The following CWC27 variants were observed in gnomAD, a reference collection of about 807,000 sequenced individuals.
CWC27 encodes the protein spliceosome-associated protein CWC27 homolog.
Under a neutral mutation model 63.6 loss-of-function variants are expected in CWC27, and 47 were observed. That is an observed-to-expected ratio of 0.74 (90% CI 0.58 to 0.94). The LOEUF (loss-of-function observed/expected upper bound fraction) is 0.94. Ranked by LOEUF, CWC27 falls within the 40% of genes least tolerant of loss-of-function variation. CWC27 has a pLI of 0.00. For synonymous variants in CWC27, 175 were observed against 179.8 expected, an observed-to-expected ratio of 0.97 and a Z score of 0.22; for missense variants, 495 against 554.3, an observed-to-expected ratio of 0.89 and a Z score of 1.07.
intron 10 of CWC27, among the ~76,000 whole-genome samples, chr5:64,845,750 G>C (rs1392795709): frequency 6.6e-6 from 1 of 152,142 alleles, no homozygotes; most frequent in Non-Finnish European, 1.5e-5. Context: ...ACACCATCAA[G>C]AGTTCAAACC....
chr5:64,813,585 A>G (rs1744946691), intron 10 of CWC27, among the ~76,000 whole-genome samples: 1 of 152,194 alleles, frequency 6.6e-6, no homozygotes, highest in African/African-American at 2.4e-5. Flanking sequence ...GAGAGTTAGA[A>G]TCCATTGATC....
chr5:64,785,588 A>G lies in CWC27; in HGVS notation c.495+9A>G, dbSNP rs1351222438. The G allele has an allele frequency of 1.3e-6, 2 of 1,543,996 alleles. No individual in the cohort carries two copies. The highest frequency in any genetic ancestry group is 1.2e-5 in the South Asian group (1 of 86,734). On this transcript the variant is annotated intron_variant, in intron 5 of 13. Coordinates refer to ENST00000381070, the MANE Select transcript of CWC27 (RefSeq NM_005869.4). ...AAATAAAAAGCTGTGAGGTAGGAGC[A>G]TGATTATTACGAGATACAGCACTTA...
At chr5:64,935,800 C>G (rs111653424) in intron 11 of CWC27, among the ~76,000 whole-genome samples, 13,570 of 152,138 alleles carry the variant, frequency 0.089, 1,937 homozygotes, top group African/African-American at 0.3. Context: ...AGTCCTCCTT[C>G]AAGAGGTCCT....
intron 11 of CWC27, among the ~76,000 whole-genome samples, chr5:64,893,909 A>T (rs530861253): frequency 1.4e-5 from 2 of 147,932 alleles, no homozygotes; most frequent in African/African-American, 5.0e-5. Context: ...TCCTGAAGGG[A>T]TCATCTGGGC....
chr5:64,877,537 A>G (rs892965196), intron 10 of CWC27, among the ~76,000 whole-genome samples: 3 of 152,016 alleles, frequency 2.0e-5, no homozygotes, highest in Non-Finnish European at 4.4e-5. Flanking sequence ...TGTATACTTC[A>G]AAACAGCTAG....
intron 10 of CWC27, among the ~76,000 whole-genome samples, chr5:64,837,295 A>G (rs977119544): frequency 2.0e-5 from 3 of 152,108 alleles, no homozygotes; most frequent in Non-Finnish European, 4.4e-5. Flanking sequence ...GCATTCTTGT[A>G]ATCTTTATCA....
intron 11 of CWC27, among the ~76,000 whole-genome samples, chr5:64,922,272 A>T (rs555894018): frequency 2.0e-5 from 3 of 152,328 alleles, no homozygotes; most frequent in Admixed American, 2.0e-4. Flanking sequence ...AATGTCAATG[A>T]ATTATAGGTT....
In CWC27 at chr5:64,977,191, G is replaced by A. The variant is rs1309581; in HGVS notation, c.1209G>A (p.Thr403=). 0.43 allele frequency: 690,105 copies of A among 1,608,222 alleles called. 150,897 individuals are homozygous for A. The highest frequency in any genetic ancestry group is 0.45 in the Non-Finnish European group (533,061 of 1,176,224). The change falls in exon 13 of 14, where the codon ACG becomes ACA. Residue 403 remains threonine (T), a synonymous_variant. Transcript: ENST00000381070. ...AACTCACTCAAGCAATTGCTGAAAC[G>A]CCTGAAAATGACATTCCTGAAACAG... ...KSKLTQAIAE[T]PENDIPETEV... is the part of the protein sequence containing the mutation.
chr5:64,858,341 A>G (rs541728881), intron 10 of CWC27, among the ~76,000 whole-genome samples: 2 of 149,006 alleles, frequency 1.3e-5, no homozygotes, highest in South Asian at 4.2e-4. Context: ...GGACGCCTGT[A>G]GTCCCAGCTA....
At chr5:65,016,921 A>G (rs1750057744) in intron 13 of CWC27, among the ~76,000 whole-genome samples, 1 of 152,220 alleles carries the variant, frequency 6.6e-6, no homozygotes, top group South Asian at 2.1e-4. Flanking sequence ...TACAACAGGC[A>G]TATAAGAAGT....
chr5:64,886,428 C>T (rs1212933792), intron 11 of CWC27, among the ~76,000 whole-genome samples: 16 of 152,024 alleles, frequency 1.1e-4, no homozygotes, highest in Admixed American at 1.0e-3. Context: ...TACATGTACA[C>T]ATTTGCTTGT....
intron 10 of CWC27, among the ~76,000 whole-genome samples, chr5:64,827,326 G>A (rs1415678108): frequency 1.3e-5 from 2 of 152,080 alleles, no homozygotes; most frequent in African/African-American, 2.4e-5. Context: ...AGAACTCATC[G>A]TACTGGAATT....
intron 10 of CWC27, among the ~76,000 whole-genome samples, chr5:64,857,531 A>T (rs1050693629): frequency 1.4e-4 from 22 of 152,230 alleles, no homozygotes; most frequent in Admixed American, 1.4e-3. Context: ...GTTCAAGATT[A>T]TACTCAATAT....
intron 10 of CWC27, among the ~76,000 whole-genome samples, chr5:64,856,049 C>A (rs1288863211): frequency 6.6e-6 from 1 of 152,058 alleles, no homozygotes; most frequent in Non-Finnish European, 1.5e-5. Flanking sequence ...CAAAAGCTTA[C>A]AGATCATTCT....
At chr5:64,829,207 T>C (rs1321212804) in intron 10 of CWC27, among the ~76,000 whole-genome samples, 1 of 152,186 alleles carries the variant, frequency 6.6e-6, no homozygotes, top group African/African-American at 2.4e-5. Flanking sequence ...TCATGTGTTT[T>C]ATTCTTTTTC....
chr5:65,006,960 CAGAAAGAAAGAA>C (rs200204473), intron 13 of CWC27, among the ~76,000 whole-genome samples: 17,553 of 121,084 alleles, frequency 0.14, 1,273 homozygotes, highest in African/African-American at 0.17. Context: ...TTTAAAAAGA[CAGAAAGAAAGAA>C]AGAAAGAAAG....
chr5:64,981,040 C>G (rs1442651124), intron 13 of CWC27, among the ~76,000 whole-genome samples: 1 of 151,910 alleles, frequency 6.6e-6, no homozygotes. Context: ...TGCAGTGAGC[C>G]GAGCTCATGC....
At chr5:64,827,089 G>A (rs552334094) in intron 10 of CWC27, among the ~76,000 whole-genome samples, 3 of 152,168 alleles carry the variant, frequency 2.0e-5, no homozygotes, top group African/African-American at 7.2e-5. Context: ...AGTTAACATA[G>A]CAGGTCTTCG....
chr5:64,901,727 CTT>C (rs1361829465), intron 11 of CWC27, among the ~76,000 whole-genome samples: 1 of 152,120 alleles, frequency 6.6e-6, no homozygotes, highest in Admixed American at 6.5e-5. Context: ...TAATTTTTAA[CTT>C]GACTGTTTTG....
Sources: allele counts gnomAD v4.1 joint callset (sites outside exome capture counted in the v4.1 genomes callset), GRCh38; gene constraint gnomAD v4.1.1; transcripts MANE v1.5; gene names NCBI Gene and HGNC (gene_info 2026-07-23, HGNC 2026-07-21).